The following ARFGAP3 variants were observed in gnomAD, a reference collection of about 807,000 sequenced individuals.
ARFGAP3 encodes ARF GTPase activating protein 3, also known as ADP-ribosylation factor GTPase-activating protein 3.
A neutral mutation model predicts 75.0 loss-of-function variants in ARFGAP3; 72 were observed. The ratio of observed to expected loss-of-function variants is 0.96; its 90% confidence interval spans 0.79 to 1.17. The LOEUF (loss-of-function observed/expected upper bound fraction) is 1.17, where lower values mean the gene tolerates loss of function less well. ARFGAP3 is among the 50% of genes most tolerant of loss of function. ARFGAP3 has a pLI of 0.00. For missense variants in ARFGAP3, 620 were observed against 626.6 expected (o/e 0.99, Z 0.11); for synonymous variants, 221 against 217.9 (o/e 1.01, Z -0.13).
chr22:42,817,391 TA>T, intron 10 of ARFGAP3, 127 bp from the exon 11 acceptor site: 1 of 1,323,896 alleles, frequency 7.6e-7, no homozygotes, highest in Non-Finnish European at 9.9e-7. Flanking sequence ...ACATAAGCAA[TA>T]AAACAATTTT....
At chr22:42,805,502 G>A (rs998653486) in intron 14 of ARFGAP3, among the ~76,000 whole-genome samples, 3 of 152,154 alleles carry the variant, frequency 2.0e-5, no homozygotes, top group Non-Finnish European at 4.4e-5. Flanking sequence ...AAAGGTGGCC[G>A]GAGTGCCTCT....
At chr22:42,853,088 G>T (rs947978320) in intron 1 of ARFGAP3, among the ~76,000 whole-genome samples, 7 of 152,184 alleles carry the variant, frequency 4.6e-5, no homozygotes, top group African/African-American at 1.7e-4. Context: ...TTAAATCAAT[G>T]AATGTTTTCT....
At position 42,835,434 on chromosome 22, in the gene ARFGAP3, A is replaced by C; in HGVS notation, c.321T>G (p.Ser107Arg). The C allele has an allele frequency of 6.2e-7, 1 of 1,614,154 alleles. No homozygotes were observed. The highest frequency in any genetic ancestry group is 1.1e-5 in the South Asian group (1 of 91,084). ...STNDTNAKYNSRAAQLYREKI... is the reference protein window; with the variant it reads ...STNDTNAKYNRRAAQLYREKI... ...TCTCCCTATAGAGCTGAGCAGCACG[A>C]CTGTTGTACTTGGCATTGGTGTCAT... Residue 107 changes from serine (S) to arginine (R), a missense_variant, in exon 4 of 16, where the codon AGT (serine) becomes AGG (arginine). Ser to Arg is a moderately radical substitution (Grantham distance 110). Coordinates refer to ENST00000263245, the MANE Select transcript of ARFGAP3 (RefSeq NM_014570.5).
At chr22:42,818,614 C>A (rs953549287) in intron 9 of ARFGAP3, among the ~76,000 whole-genome samples, 13 of 151,902 alleles carry the variant, frequency 8.6e-5, no homozygotes, top group African/African-American at 3.1e-4. Flanking sequence ...GCAAGAATAG[C>A]AGTTTGCATC....
At chr22:42,799,314 A>ACTTCAGCCCG in intron 14 of ARFGAP3, 154 bp from the exon 15 acceptor site, 1 of 900,420 alleles carries the variant, frequency 1.1e-6, no homozygotes, top group Non-Finnish European at 1.3e-6. Context: ...ACTCGGGCTG[A>ACTTCAGCCCG]AGTGGCAGCC....
At chr22:42,815,839 G>A (rs572972067) in intron 11 of ARFGAP3, among the ~76,000 whole-genome samples, 22 of 152,298 alleles carry the variant, frequency 1.4e-4, no homozygotes, top group African/African-American at 2.9e-4. Context: ...TAGGCTGGGC[G>A]TGGAGGCTCA....
chr22:42,845,428 G>C, intron 2 of ARFGAP3, among the ~76,000 whole-genome samples: 2 of 151,838 alleles, frequency 1.3e-5, no homozygotes, highest in Non-Finnish European at 2.9e-5. Context: ...AGGAGACTGA[G>C]GGCAGGAGAA....
Position 42,801,144 on chromosome 22 carries a change from G to A in ARFGAP3, c.1412-1984C>T, listed in dbSNP as rs186717098. Among the ~76,000 whole-genome samples, 72 of 152,300 alleles carry A rather than the reference G, an allele frequency of 4.7e-4. 1 individual carries two copies. Among genetic ancestry groups the A allele is most frequent in the Non-Finnish European group, 6.9e-4 (47 of 68,030 alleles). On this transcript the variant is annotated intron_variant, in intron 14 of 15. Coordinates refer to ENST00000263245, the MANE Select transcript of ARFGAP3 (RefSeq NM_014570.5). ...GGGCGGTGCCTGAGCATGAGGAGGC[G>A]GCAGTGGGGATCAGGAGGGAACGGG...
chr22:42,852,974 G>C (rs1011130970), intron 1 of ARFGAP3, among the ~76,000 whole-genome samples: 1 of 152,124 alleles, frequency 6.6e-6, no homozygotes, highest in Non-Finnish European at 1.5e-5. Context: ...ATGTTGGCCA[G>C]GCTGGTCTTG....
intron 15 of ARFGAP3, 158 bp from the exon 16 acceptor site, chr22:42,797,763 C>T: frequency 4.1e-6 from 4 of 985,024 alleles, no homozygotes; most frequent in Non-Finnish European, 4.8e-6. Flanking sequence ...TGGAAGCAGC[C>T]ATTGCTGCAG....
rs1334843471 is a variant in ARFGAP3, at chr22:42,808,906, G to A, written c.1197-16C>T. On this transcript the variant is annotated splice_polypyrimidine_tract_variant and intron_variant, in intron 12 of 15. Coordinates refer to ENST00000263245, the MANE Select transcript of ARFGAP3 (RefSeq NM_014570.5). Reference sequence around the variant, plus strand: ...AGCAGTAGGTCTGCAATTAAAAACAGCCAAATTAGGTTAAACTAATTTGAG... The same window carrying A: ...AGCAGTAGGTCTGCAATTAAAAACAACCAAATTAGGTTAAACTAATTTGAG... 1.3e-6 allele frequency: 2 copies of A among 1,584,068 alleles called. No individual in the cohort carries two copies. The highest frequency in any genetic ancestry group is 1.7e-6 in the Non-Finnish European group (2 of 1,161,710).
intron 2 of ARFGAP3, among the ~76,000 whole-genome samples, chr22:42,846,808 C>T (rs1360063508): frequency 1.3e-5 from 2 of 152,212 alleles, no homozygotes; most frequent in Non-Finnish European, 2.9e-5. Flanking sequence ...GTACTTTGTA[C>T]TGCCGAATTA....
chr22:42,820,836 C>T (rs1195446987), intron 9 of ARFGAP3, among the ~76,000 whole-genome samples: 2 of 152,174 alleles, frequency 1.3e-5, no homozygotes, highest in African/African-American at 2.4e-5. Context: ...AAGAGCCTTA[C>T]AAAAGTCTAC....
rs1395534295 is a variant in ARFGAP3 at position 42,796,825 on chromosome 22, T to C, written c.*763A>G. 1.3e-5 allele frequency: 2 copies of C among 152,230 alleles called. No homozygotes were observed. Among genetic ancestry groups the C allele is most frequent in the Non-Finnish European group, 2.9e-5 (2 of 68,032 alleles). 9.4% of individuals were successfully genotyped at this position (152,230 alleles called of 1,614,324 possible). A position where few individuals can be genotyped will look rare whatever the true frequency, so the allele number is the denominator to read the frequency against. On this transcript the variant is annotated 3_prime_UTR_variant, in exon 16 of 16. Transcript: ENST00000263245. The stretch of plus-strand genomic sequence containing the variant: ...ACTATTTTCTGTAGCTGTATCTTCT[T>C]ACCTCATTCCACTTTAACTCTGTAT...
At chr22:42,837,056 G>A (rs5758973) in intron 3 of ARFGAP3, among the ~76,000 whole-genome samples, 25 of 152,164 alleles carry the variant, frequency 1.6e-4, no homozygotes, top group Middle Eastern at 3.4e-3. Flanking sequence ...AGTTTGGAGG[G>A]TGACTCTGCA....
chr22:42,814,689 G>A (rs919201472), intron 11 of ARFGAP3, among the ~76,000 whole-genome samples: 1 of 152,196 alleles, frequency 6.6e-6, no homozygotes. Context: ...ACCTCACTTA[G>A]AGCTTTCTTA....
chr22:42,829,804 C>A (rs1379903718), intron 6 of ARFGAP3, among the ~76,000 whole-genome samples: 1 of 152,098 alleles, frequency 6.6e-6, no homozygotes, highest in Non-Finnish European at 1.5e-5. Flanking sequence ...AAGGCTTTAC[C>A]CATGTTTTCT....
chr22:42,824,017 A>AT lies in ARFGAP3; in HGVS notation c.626-316dup, dbSNP rs59171927. On this transcript the variant is annotated intron_variant, in intron 7 of 15. Transcript: ENST00000263245. ...TACTTTCTTCAGGAGCATTTAAAAA[A>AT]TATATTACAACAACTTTTTTTTTTT... Among the ~76,000 whole-genome samples, 29 of 144,020 alleles carry AT rather than the reference A, an allele frequency of 2.0e-4. 1 individual carries two copies. The highest frequency in any genetic ancestry group is 7.3e-4 in the African/African-American group (28 of 38,406). 94.5% of individuals were successfully genotyped at this position (144,020 alleles called of 152,430 possible). A position where few individuals can be genotyped will look rare whatever the true frequency, so the allele number is the denominator to read the frequency against.
chr22:42,801,380 G>T (rs1202051169), intron 14 of ARFGAP3, among the ~76,000 whole-genome samples: 1 of 152,208 alleles, frequency 6.6e-6, no homozygotes, highest in Non-Finnish European at 1.5e-5. Context: ...GGACAGGCCA[G>T]GTGACTCTGA....
Sources: gnomAD v4.1 joint callset for allele counts (sites outside exome capture counted in the v4.1 genomes callset) on GRCh38, gnomAD v4.1.1 for gene constraint, MANE v1.5 for transcripts, NCBI Gene and HGNC (gene_info 2026-07-23, HGNC 2026-07-21) for gene names.